The following CPNE8 variants were observed in gnomAD, a reference collection of about 807,000 sequenced individuals.
The protein encoded by CPNE8 is copine 8.
In CPNE8, 45 loss-of-function variants were observed where a neutral mutation model predicts 81.5. The observed-to-expected ratio is 0.55, with a 90% CI of 0.44 to 0.71. The LOEUF (loss-of-function observed/expected upper bound fraction) is 0.71, where lower values mean the gene tolerates loss of function less well. Ranked by LOEUF, CPNE8 falls within the 30% of genes least tolerant of loss-of-function variation. CPNE8 has a pLI of 0.00. For synonymous variants in CPNE8, 252 were observed against 226.3 expected (o/e 1.11, Z -1.02); for missense variants, 594 against 672.1 (o/e 0.88, Z 1.28).
chr12:38,888,100 G>T (rs1944261447), intron 1 of CPNE8, among the ~76,000 whole-genome samples: 1 of 152,176 alleles, frequency 6.6e-6, no homozygotes, highest in African/African-American at 2.4e-5. Flanking sequence ...GAAAGCTGGA[G>T]GCTAACATCA....
chr12:38,892,310 T>A (rs1180809038), intron 1 of CPNE8, among the ~76,000 whole-genome samples: 1 of 152,232 alleles, frequency 6.6e-6, no homozygotes, highest in African/African-American at 2.4e-5. Flanking sequence ...GACTTTACTC[T>A]GTAAACAAAG....
rs962615624 is a variant in CPNE8, at chr12:38,653,620, A to AAAAAAAAAAAG, written c.*261_*262insCTTTTTTTTTT. ...ATTGGAAATTAGCTGTTTCTGTTAA[A>AAAAAAAAAAAG]AAAAAAAAGAAAGAAAGATTTAGAG... is the stretch of plus-strand genomic sequence containing the variant. On this transcript the variant is annotated 3_prime_UTR_variant, in exon 20 of 20. Coordinates refer to ENST00000331366, the MANE Select transcript of CPNE8 (RefSeq NM_153634.3). The AAAAAAAAAAAG allele has an allele frequency of 0.012, 3,186 of 274,398 alleles. 96 individuals carry two copies. The highest frequency in any genetic ancestry group is 0.04 in the South Asian group (380 of 9,592). The allele number at this position is 274,398 out of a possible 1,614,324, so 17.0% of individuals were successfully genotyped here.
intron 10 of CPNE8, among the ~76,000 whole-genome samples, chr12:38,746,559 A>G (rs890747964): frequency 6.6e-6 from 1 of 152,232 alleles, no homozygotes; most frequent in Non-Finnish European, 1.5e-5. Flanking sequence ...GTTTCTTAAC[A>G]TGATATTGAG....
intron 11 of CPNE8, among the ~76,000 whole-genome samples, chr12:38,729,970 T>G (rs1270577833): frequency 6.6e-6 from 1 of 151,426 alleles, no homozygotes; most frequent in East Asian, 1.9e-4. Flanking sequence ...TCTTCTTTAT[T>G]AGGAAGAGAT....
intron 6 of CPNE8, among the ~76,000 whole-genome samples, chr12:38,817,724 T>G (rs1268386046): frequency 6.8e-6 from 1 of 146,504 alleles, no homozygotes; most frequent in South Asian, 2.3e-4. Context: ...CCTGGGTTCA[T>G]GCCATTCTCC....
At chr12:38,746,564 A>G (rs940981993) in intron 10 of CPNE8, among the ~76,000 whole-genome samples, 9 of 152,322 alleles carry the variant, frequency 5.9e-5, no homozygotes, top group Admixed American at 6.5e-5. Context: ...TTAACATGAT[A>G]TTGAGAACTC....
chr12:38,697,805 CCTCT>C (rs146764675), intron 14 of CPNE8, among the ~76,000 whole-genome samples: 1 of 149,840 alleles, frequency 6.7e-6, no homozygotes, highest in Admixed American at 6.7e-5. Context: ...GGTACCTCCT[CCTCT>C]CTCTCTCTCT....
Position 38,848,657 on chromosome 12 carries a change from T to C in CPNE8, c.192A>G (p.Gly64=). 1 of 1,587,674 alleles carries C rather than the reference T, an allele frequency of 6.3e-7. No individual in the cohort carries two copies. The highest frequency in any genetic ancestry group is 8.5e-7 in the Non-Finnish European group (1 of 1,171,926). The change falls in exon 4 of 20, where the codon GGA becomes GGG. Residue 64 remains glycine, a synonymous_variant. Transcript: ENST00000331366. The part of the protein sequence containing the change: ...GVGNKEWREF[G]RTEVIDNTLN... ...AAGTATTATCAATTACTTCAGTTCTTCCAAACTGTGGAAAGAGAGAGAGAA... is the reference window on the plus strand; with the variant it reads ...AAGTATTATCAATTACTTCAGTTCTCCCAAACTGTGGAAAGAGAGAGAGAA...
At chr12:38,836,174 T>A (rs994823500) in intron 5 of CPNE8, among the ~76,000 whole-genome samples, 2 of 152,162 alleles carry the variant, frequency 1.3e-5, no homozygotes, top group African/African-American at 2.4e-5. Context: ...TGCCATATTT[T>A]GTTCACAGGG....
intron 7 of CPNE8, 117 bp downstream of exon 7, chr12:38,776,121 A>G: frequency 2.3e-6 from 1 of 430,098 alleles, no homozygotes; most frequent in Non-Finnish European, 4.2e-6. Context: ...TTTATGGGTT[A>G]TAAAATTGTA....
intron 19 of CPNE8, among the ~76,000 whole-genome samples, chr12:38,658,875 G>A (rs182464504): frequency 6.6e-6 from 1 of 152,276 alleles, no homozygotes; most frequent in Admixed American, 6.5e-5. Flanking sequence ...CACCAGGCCT[G>A]CCTTACAAGA....
chr12:38,741,916 T>G (rs1429730644), intron 10 of CPNE8, among the ~76,000 whole-genome samples: 1 of 152,086 alleles, frequency 6.6e-6, no homozygotes, highest in Non-Finnish European at 1.5e-5. Context: ...AACAGACACA[T>G]GAAAAAATGC....
chr12:38,857,857 T>C (rs1383227019), intron 3 of CPNE8, among the ~76,000 whole-genome samples: 2 of 152,118 alleles, frequency 1.3e-5, no homozygotes, highest in South Asian at 4.1e-4. Context: ...CATCGTGCCA[T>C]TGCACTCCAG....
chr12:38,661,961 T>A (rs1481536888), intron 19 of CPNE8, among the ~76,000 whole-genome samples: 1 of 150,792 alleles, frequency 6.6e-6, no homozygotes, highest in Non-Finnish European at 1.5e-5. Context: ...ACAACATCCC[T>A]TCAGGATAAA....
At chr12:38,708,488 TTA>T (rs1450373923) in intron 13 of CPNE8, among the ~76,000 whole-genome samples, 1 of 152,220 alleles carries the variant, frequency 6.6e-6, no homozygotes, top group Admixed American at 6.5e-5. Context: ...AGCTGTCATT[TTA>T]TGTTTTAGAA....
chr12:38,897,904 T>G (rs1944410608), intron 1 of CPNE8, among the ~76,000 whole-genome samples: 1 of 152,134 alleles, frequency 6.6e-6, no homozygotes, highest in East Asian at 1.9e-4. Flanking sequence ...GGGCTATTAT[T>G]ATCCCCACTT....
At chr12:38,892,073 T>C (rs1462743118) in intron 1 of CPNE8, among the ~76,000 whole-genome samples, 1 of 152,146 alleles carries the variant, frequency 6.6e-6, no homozygotes, top group African/African-American at 2.4e-5. Context: ...TATCACAAAT[T>C]GCACTGAGTG....
intron 15 of CPNE8, 34 bp downstream of exon 15, chr12:38,693,623 T>C (rs772563288): frequency 6.4e-7 from 1 of 1,567,120 alleles, no homozygotes; most frequent in Non-Finnish European, 8.7e-7. Flanking sequence ...ACATTAATTT[T>C]TCAAAACATC....
chr12:38,827,130 G>A, intron 6 of CPNE8, among the ~76,000 whole-genome samples: 1 of 140,932 alleles, frequency 7.1e-6, no homozygotes, highest in Admixed American at 7.5e-5. Context: ...GCAGTGAGCA[G>A]AGATTGCGCC....
Sources: gnomAD v4.1 joint callset for allele counts (sites outside exome capture counted in the v4.1 genomes callset) on GRCh38, gnomAD v4.1.1 for gene constraint, MANE v1.5 for transcripts, NCBI Gene and HGNC (gene_info 2026-07-23, HGNC 2026-07-21) for gene names.